TXLNB: variants seen among roughly 807,000 people sequenced by gnomAD.
TXLNB encodes taxilin beta, also known as beta-taxilin.
TXLNB carries 37 observed loss-of-function variants against 57.4 expected under a neutral mutation model. The observed-to-expected ratio is 0.64, with a 90% CI of 0.50 to 0.85. The LOEUF (loss-of-function observed/expected upper bound fraction) is 0.85. Ranked by LOEUF, TXLNB falls within the 40% of genes least tolerant of loss-of-function variation. The pLI, the probability that TXLNB is intolerant of heterozygous loss-of-function variation, is 0.00. For missense variants in TXLNB, 848 were observed against 825.6 expected, an observed-to-expected ratio of 1.03 and a Z score of -0.33; for synonymous variants, 302 against 309.6, an observed-to-expected ratio of 0.98 and a Z score of 0.26.
rs938082134 is a variant in TXLNB, at chr6:139,257,812, T to G, written c.1003-2174A>C. ...CATTACTTTTAAAAACTGGAAAGCT[T>G]CTTTTTCCTCATCTAAGTTTGTCTT... On this transcript the variant is annotated intron_variant, in intron 6 of 9. Coordinates refer to ENST00000358430, the MANE Select transcript of TXLNB (RefSeq NM_153235.4). Among the ~76,000 whole-genome samples, 3 of 152,204 alleles carry G rather than the reference T, an allele frequency of 2.0e-5. No individual in the cohort carries two copies. The East Asian group carries it at 5.8e-4, about 29-fold the overall frequency.
At chr6:139,278,896 C>T (rs866475904) in intron 2 of TXLNB, among the ~76,000 whole-genome samples, 5 of 152,006 alleles carry the variant, frequency 3.3e-5, no homozygotes, top group South Asian at 4.2e-4. Flanking sequence ...CCCAGCTACT[C>T]GGGAGGCTGA....
chr6:139,207,090 C>A, the TXLNB span, among the ~76,000 whole-genome samples: 1 of 152,088 alleles, frequency 6.6e-6, no homozygotes, highest in Non-Finnish European at 1.5e-5. Flanking sequence ...AGAAAGTCAA[C>A]AGAGAAAAAA....
the TXLNB span, among the ~76,000 whole-genome samples, chr6:139,187,317 T>C: frequency 1.3e-5 from 2 of 152,222 alleles, no homozygotes; most frequent in African/African-American, 4.8e-5. Context: ...ACTGTAAGAA[T>C]GCTTCCTATT....
chr6:139,278,277 T>C (rs1011473353), intron 2 of TXLNB, among the ~76,000 whole-genome samples: 1 of 152,198 alleles, frequency 6.6e-6, no homozygotes, highest in Non-Finnish European at 1.5e-5. Flanking sequence ...GGAATTCTGA[T>C]GCTAGAGAGA....
rs1259897824 is a variant in TXLNB at position 139,270,506 on chromosome 6, T to C, written c.637A>G (p.Lys213Glu). ...EHSRAILARS[K>E]LESLCRELQR... The stretch of plus-strand genomic sequence containing the variant: ...AGCTCCCGGCACAGACTCTCCAATT[T>C]GCTTCGAGCGAGGATAGCTCTGCTG... The change falls in exon 4 of 10, where the codon AAA (lysine) becomes GAA (glutamate). Residue 213 changes from lysine (K) to glutamate (E), a missense_variant. Coordinates refer to ENST00000358430, the MANE Select transcript of TXLNB (RefSeq NM_153235.4). The C allele has an allele frequency of 1.9e-6, 3 of 1,614,206 alleles. No homozygotes were observed. The East Asian group carries it at 6.7e-5, about 36-fold the overall frequency.
chr6:139,293,847 GA>G (rs1777345906), upstream of TXLNB, among the ~76,000 whole-genome samples: 1 of 152,096 alleles, frequency 6.6e-6, no homozygotes. Flanking sequence ...TAAAATTGAT[GA>G]AAGAGAAAAG....
the TXLNB span, among the ~76,000 whole-genome samples, chr6:139,211,067 A>T: frequency 6.6e-6 from 1 of 152,336 alleles, no homozygotes; most frequent in South Asian, 2.1e-4. Flanking sequence ...GGGCACAGAC[A>T]AACAAGAGAC....
chr6:139,194,594 C>A, the TXLNB span, among the ~76,000 whole-genome samples: 2 of 152,178 alleles, frequency 1.3e-5, no homozygotes, highest in Non-Finnish European at 2.9e-5. Flanking sequence ...TCAACCACCT[C>A]ACACAACTCA....
the TXLNB span, among the ~76,000 whole-genome samples, chr6:139,190,777 TTTTG>T: frequency 6.6e-6 from 1 of 152,194 alleles, no homozygotes; most frequent in African/African-American, 2.4e-5. Flanking sequence ...TGTTTTTTGC[TTTTG>T]TTTTTCTCTT....
chr6:139,166,306 G>A, the TXLNB span: 2 of 1,609,664 alleles, frequency 1.2e-6, no homozygotes, highest in Non-Finnish European at 1.7e-6. Context: ...CCACTCCCCT[G>A]ATCTGCAGCT....
the TXLNB span, among the ~76,000 whole-genome samples, chr6:139,221,250 G>T: frequency 2.0e-5 from 3 of 152,112 alleles, no homozygotes; most frequent in Non-Finnish European, 4.4e-5. Flanking sequence ...GCTAGTTAAT[G>T]GTTTAGGGCC....
At position 139,277,061 on chromosome 6, in the gene TXLNB, T is replaced by C. The variant is rs1400332394; in HGVS notation, c.425-140A>G. 6.4e-6 allele frequency: 4 copies of C among 621,162 alleles called. No homozygotes were observed. The African/African-American group carries it at 7.5e-5, about 12-fold the overall frequency. 38.5% of individuals were successfully genotyped at this position (621,162 alleles called of 1,614,324 possible). A position where few individuals can be genotyped will look rare whatever the true frequency, so the allele number is the denominator to read the frequency against. ...TCTTATCAGATGTAATTTTCTTTCC[T>C]ATAGAAATGATGACACCTACCTTAC... On this transcript the variant is annotated intron_variant, in intron 2 of 9. Transcript: ENST00000358430.
At chr6:139,284,444 C>T (rs6928762) in intron 2 of TXLNB, among the ~76,000 whole-genome samples, 33,261 of 144,244 alleles carry the variant, frequency 0.23, 8,080 homozygotes, top group African/African-American at 0.47. Flanking sequence ...AGGAGAATCG[C>T]TTGAACTAGG....
intron 3 of TXLNB, among the ~76,000 whole-genome samples, chr6:139,275,367 A>G (rs1776867827): frequency 6.6e-6 from 1 of 152,234 alleles, no homozygotes; most frequent in Admixed American, 6.5e-5. Context: ...AGAAAACCAG[A>G]TATCAACTTA....
chr6:139,189,893 C>T, the TXLNB span, among the ~76,000 whole-genome samples: 2 of 152,192 alleles, frequency 1.3e-5, no homozygotes, highest in African/African-American at 2.4e-5. Context: ...TCCAAGTAGG[C>T]TCTCCTCTAG....
chr6:139,193,664 T>C, the TXLNB span, among the ~76,000 whole-genome samples: 4 of 151,684 alleles, frequency 2.6e-5, no homozygotes, highest in Non-Finnish European at 5.9e-5. Flanking sequence ...CTCACTTTTT[T>C]TTTTTTTGAA....
chr6:139,269,457 T>C (rs1046813187), intron 4 of TXLNB, among the ~76,000 whole-genome samples: 2 of 152,194 alleles, frequency 1.3e-5, no homozygotes, highest in African/African-American at 2.4e-5. Context: ...TTCAGTACTA[T>C]TGTTGACAAG....
Position 139,242,700 on chromosome 6 carries a change from C to T in TXLNB, c.1881G>A (p.Glu627=), listed in dbSNP as rs1775968858. 2 of 1,611,554 alleles carry T rather than the reference C, an allele frequency of 1.2e-6. No individual in the cohort carries two copies. The highest frequency in any genetic ancestry group is 1.1e-5 in the South Asian group (1 of 90,952). ...APTEASLQKM[E]ADVPAPACAA... The stretch of plus-strand genomic sequence containing the variant: ...CGCATGCTGGAGCAGGCACATCTGC[C>T]TCCATCTTCTGTAGGGAGGCCTCGG... The change falls in exon 10 of 10, where the codon GAG becomes GAA. Residue 627 remains glutamate (E), a synonymous_variant. Transcript: ENST00000358430.
At chr6:139,174,174 A>C in the TXLNB span, among the ~76,000 whole-genome samples, 1 of 152,204 alleles carries the variant, frequency 6.6e-6, no homozygotes, top group African/African-American at 2.4e-5. Flanking sequence ...AATATGCTTG[A>C]ACTTAAAATA....
Sources: allele counts gnomAD v4.1 joint callset (sites outside exome capture counted in the v4.1 genomes callset), GRCh38; gene constraint gnomAD v4.1.1; transcripts MANE v1.5; gene names NCBI Gene and HGNC (gene_info 2026-07-23, HGNC 2026-07-21).